Variants in ZNF106 observed in about 807,000 individuals in gnomAD.
ZNF106 encodes zinc finger protein 106.
Under a neutral mutation model 195.1 loss-of-function variants are expected in ZNF106, and 67 were observed. That is an observed-to-expected ratio of 0.34 (90% CI 0.28 to 0.42). The LOEUF is 0.42. Among genes scored for constraint, ZNF106 ranks in the 10% least tolerant of loss-of-function variants. ZNF106 has a pLI of 1.00. For synonymous variants in ZNF106, 784 were observed against 818.6 expected (o/e 0.96, Z 0.72); for missense variants, 2,118 against 2,304.5 (o/e 0.92, Z 1.66).
Position 42,439,674 on chromosome 15 carries a change from G to C in ZNF106, c.3903C>G (p.Asn1301Lys), listed in dbSNP as rs371374573. ...GACCAGCTGATTGGGAAGAGGGAGA[G>C]TTTTCTCTGTTTCTGGTATTTCTTT... The part of the protein sequence containing the change: ...VEQRNTRNRE[N>K]SPSSQSAGLS... Residue 1301 changes from asparagine (N) to lysine (K), a missense_variant, in exon 11 of 22, where the codon AAC becomes AAG. Transcript: ENST00000564754. 110 of 1,613,838 alleles carry C rather than the reference G, an allele frequency of 6.8e-5. No homozygotes were observed. The highest frequency in any genetic ancestry group is 9.3e-5 in the Non-Finnish European group (110 of 1,179,974).
Position 42,448,719 on chromosome 15 carries a change from GA to G in ZNF106, c.2502-15del. On this transcript the variant is annotated splice_polypyrimidine_tract_variant and intron_variant, in intron 5 of 21. Transcript: ENST00000564754. ...TCTATGCCAAACCTTAAGGAAGAAA[GA>G]AAAAATGAAAACATAAATTGGATAT... The G allele has an allele frequency of 6.4e-7, 1 of 1,565,144 alleles. No homozygotes were observed. The highest frequency in any genetic ancestry group is 8.6e-7 in the Non-Finnish European group (1 of 1,164,854).
chr15:42,420,986 A>G (rs2054632040), intron 20 of ZNF106, 75 bp downstream of exon 20: 2 of 1,271,318 alleles, frequency 1.6e-6, no homozygotes, highest in Non-Finnish European at 2.3e-6. Context: ...CACTGATGAT[A>G]ATGAAGATCT....
At chr15:42,423,950 A>T (rs760607842) in intron 17 of ZNF106, 48 bp downstream of exon 17, 1 of 1,541,942 alleles carries the variant, frequency 6.5e-7, no homozygotes, top group Non-Finnish European at 8.8e-7. Flanking sequence ...TCAAGCTTTA[A>T]CCATTATTTT....
Position 42,414,301 on chromosome 15 carries a change from A to G in ZNF106, c.*3003T>C, listed in dbSNP as rs145170610. 6.6e-6 allele frequency: 1 copy of G among 152,358 alleles called. No homozygotes were observed. Among genetic ancestry groups the G allele is most frequent in the African/African-American group, 2.4e-5 (1 of 41,582 alleles). The allele number at this position is 152,358 out of a possible 1,614,324, so 9.4% of individuals were successfully genotyped here. On this transcript the variant is annotated 3_prime_UTR_variant, in exon 22 of 22. Transcript: ENST00000564754. ...ATTTTCAAGACTCTTGTAAGTAGTAACACACAGCCATAAGCAGCCAAAATG... is the reference window on the plus strand; with the variant it reads ...ATTTTCAAGACTCTTGTAAGTAGTAGCACACAGCCATAAGCAGCCAAAATG...
intron 3 of ZNF106, among the ~76,000 whole-genome samples, chr15:42,458,481 G>A (rs967774315): frequency 2.6e-5 from 4 of 151,686 alleles, no homozygotes; most frequent in East Asian, 1.9e-4. Flanking sequence ...AGGCCAAGGC[G>A]GGCAGATCAT....
In ZNF106 at chr15:42,442,554, A is replaced by T. The variant is rs1459567941; in HGVS notation, c.3422-140T>A. On this transcript the variant is annotated intron_variant, in intron 9 of 21. Transcript: ENST00000564754. ...AGTATAGTCCCTCATAATTCTCCGA[A>T]ATATGGAGAATATAATCTCTACAAC... The T allele has an allele frequency of 7.8e-6, 5 of 640,970 alleles. No homozygotes were observed. In the African/African-American group the frequency reaches 9.2e-5, roughly 12 times the overall value. The allele number at this position is 640,970 out of a possible 1,614,324, so 39.7% of individuals were successfully genotyped here.
chr15:42,466,412 T>G (rs1016085054), intron 2 of ZNF106, among the ~76,000 whole-genome samples: 1 of 152,200 alleles, frequency 6.6e-6, no homozygotes, highest in Non-Finnish European at 1.5e-5. Context: ...GTAAGTTAAA[T>G]TCTATCCCAT....
intron 20 of ZNF106, among the ~76,000 whole-genome samples, chr15:42,419,367 A>T (rs1004246186): frequency 1.3e-5 from 2 of 151,960 alleles, no homozygotes; most frequent in African/African-American, 4.8e-5. Context: ...TCAGAAAAAA[A>T]ATAAATAATA....
At chr15:42,462,324 G>A (rs746119035) in intron 3 of ZNF106, among the ~76,000 whole-genome samples, 3 of 152,150 alleles carry the variant, frequency 2.0e-5, no homozygotes, top group Admixed American at 6.5e-5. Flanking sequence ...TAGGCCAGGC[G>A]CGGTGGCTCA....
chr15:42,435,485 T>C lies in ZNF106; in HGVS notation c.4780A>G (p.Thr1594Ala). ...ACCAGGAGGCAGTTAACTTTGGAGG[T>C]ATGACCCTCAAAGACACCAATACAT... is the stretch of plus-strand genomic sequence containing the variant. ...RKCIGVFEGH[T>A]SKVNCLLVTQ... Residue 1594 changes from threonine to alanine, a missense_variant, in exon 14 of 22, where the codon ACC (threonine) becomes GCC (alanine). Thr to Ala is a moderately conservative substitution (Grantham distance 58, BLOSUM62 0). Transcript: ENST00000564754. 6.2e-7 allele frequency: 1 copy of C among 1,614,120 alleles called. No homozygotes were observed. The highest frequency in any genetic ancestry group is 8.5e-7 in the Non-Finnish European group (1 of 1,180,012).
At chr15:42,446,141 G>A (rs974091265) in intron 7 of ZNF106, among the ~76,000 whole-genome samples, 1 of 152,212 alleles carries the variant, frequency 6.6e-6, no homozygotes, top group Admixed American at 6.5e-5. Flanking sequence ...TTCTACAGTT[G>A]TTAACTGGAT....
In ZNF106 at chr15:42,449,920, G is replaced by A. The variant is rs142705431; in HGVS notation, c.2352C>T (p.Ser784=). 83 of 1,614,126 alleles carry A rather than the reference G, an allele frequency of 5.1e-5. No homozygotes were observed. In the African/African-American group the frequency reaches 8.7e-4, roughly 17 times the overall value. ...TCTCTGTCTCACTCTTTCGGTGACC[G>A]CTAATATTGCGAATGCGGCGGGCAC... is the stretch of plus-strand genomic sequence containing the variant. ...LNSARRIRNI[S]GHRKSETEKE... is the part of the protein sequence containing the mutation. Residue 784 remains serine (S), a synonymous_variant, in exon 5 of 22, where the codon AGC becomes AGT. Coordinates refer to ENST00000564754, the MANE Select transcript of ZNF106 (RefSeq NM_001366845.3).
Position 42,424,932 on chromosome 15 carries a change from C to A in ZNF106, c.5092G>T (p.Val1698Leu), listed in dbSNP as rs375034200. The change falls in exon 16 of 22, where the codon GTG (valine) becomes TTG (leucine). Residue 1698 changes from valine to leucine, a missense_variant. Physicochemically the swap from Val to Leu is conservative, Grantham distance 32. Coordinates refer to ENST00000564754, the MANE Select transcript of ZNF106 (RefSeq NM_001366845.3). ...AQEGARKLLV[V>L]GSYDCTISVR... ...CTAATTGTGCAGTCATAAGACCCCA[C>A]GACCAGCAGTTTTCGGGCACCTTCC... 10 of 1,614,176 alleles carry A rather than the reference C, an allele frequency of 6.2e-6. No homozygotes were observed. Among genetic ancestry groups the A allele is most frequent in the South Asian group, 5.5e-5 (5 of 91,084 alleles).
intron 11 of ZNF106, 67 bp from the exon 12 acceptor site, chr15:42,438,734 T>C: frequency 2.0e-6 from 3 of 1,467,854 alleles, no homozygotes; most frequent in Non-Finnish European, 1.9e-6. Flanking sequence ...AAGTAAAAAT[T>C]TCTGACTCAA....
chr15:42,424,161 G>T, intron 16 of ZNF106, 101 bp from the exon 17 acceptor site: 2 of 1,005,826 alleles, frequency 2.0e-6, no homozygotes, highest in Non-Finnish European at 2.9e-6. Flanking sequence ...ATCCTATTTT[G>T]AGATGAGCAC....
Position 42,435,438 on chromosome 15 carries a change from A to G in ZNF106, c.4827T>C (p.Asn1609=), listed in dbSNP as rs772341155. The G allele has an allele frequency of 1.8e-5, 29 of 1,614,110 alleles. No homozygotes were observed. The highest frequency in any genetic ancestry group is 2.4e-5 in the Non-Finnish European group (28 of 1,180,050). ...CLLVTQTSGK[N]AALYTGSSDH... ...CACTGGACCCGGTGTAAAGGGCAGCATTCTTCCCGGAGGTCTGAGTAACCA... is the reference window on the plus strand; with the variant it reads ...CACTGGACCCGGTGTAAAGGGCAGCGTTCTTCCCGGAGGTCTGAGTAACCA... Residue 1609 remains asparagine (N), a synonymous_variant, in exon 14 of 22, where the codon AAT becomes AAC. Transcript: ENST00000564754.
intron 5 of ZNF106, among the ~76,000 whole-genome samples, chr15:42,449,462 T>C (rs915502210): frequency 2.0e-5 from 3 of 152,224 alleles, no homozygotes; most frequent in Non-Finnish European, 4.4e-5. Context: ...TACATTTTTA[T>C]GCTGTCATTT....
At chr15:42,421,656 C>A (rs2054662411) in intron 19 of ZNF106, among the ~76,000 whole-genome samples, 1 of 152,180 alleles carries the variant, frequency 6.6e-6, no homozygotes, top group South Asian at 2.1e-4. Context: ...GGAAAAGGCA[C>A]CACTCAATTT....
At chr15:42,449,670 A>G in intron 5 of ZNF106, 101 bp downstream of exon 5, 4 of 1,452,322 alleles carry the variant, frequency 2.8e-6, no homozygotes, top group Non-Finnish European at 3.7e-6. Context: ...TTGTTGGCAA[A>G]CATTTAATTA....
Sources: gnomAD v4.1 joint callset for allele counts (sites outside exome capture counted in the v4.1 genomes callset) on GRCh38, gnomAD v4.1.1 for gene constraint, MANE v1.5 for transcripts, NCBI Gene and HGNC (gene_info 2026-07-23, HGNC 2026-07-21) for gene names.